DLC1: variants seen among roughly 807,000 people sequenced by gnomAD.
The protein encoded by DLC1 is rho GTPase-activating protein 7.
A neutral mutation model predicts 140.3 loss-of-function variants in DLC1; 54 were observed. The ratio of observed to expected loss-of-function variants is 0.38; its 90% CI spans 0.31 to 0.48. The LOEUF is 0.48. DLC1 is among the 20% of genes least tolerant of loss of function. The pLI is 0.96. For synonymous variants in DLC1, 986 were observed against 728.1 expected, an observed-to-expected ratio of 1.35 and a Z score of -5.70; for missense variants, 2,536 against 1,907.0, an observed-to-expected ratio of 1.33 and a Z score of -6.14.
chr8:13,087,355 T>C (rs564824740), intron 16 of DLC1, among the ~76,000 whole-genome samples: 1 of 152,338 alleles, frequency 6.6e-6, no homozygotes, highest in African/African-American at 2.4e-5. Flanking sequence ...CAGCCATGAG[T>C]GTGCCACTGC....
At chr8:13,201,370 A>G (rs1009340576) in intron 5 of DLC1, among the ~76,000 whole-genome samples, 8 of 152,226 alleles carry the variant, frequency 5.3e-5, no homozygotes, top group African/African-American at 1.7e-4. Context: ...TGTAAAGATC[A>G]CTTTGAGTGT....
intron 4 of DLC1, among the ~76,000 whole-genome samples, chr8:13,390,275 T>G (rs756158479): frequency 6.6e-6 from 1 of 152,212 alleles, no homozygotes; most frequent in Non-Finnish European, 1.5e-5. Context: ...GCTTCATGCA[T>G]GCCCCTGCAA....
At chr8:13,553,248 A>ATATG (rs1803928097) in intron 1 of DLC1, among the ~76,000 whole-genome samples, 1 of 132,306 alleles carries the variant, frequency 7.6e-6, no homozygotes, top group East Asian at 2.3e-4. Context: ...ATATATATAT[A>ATATG]TATGTATCAC....
At chr8:13,136,777 C>G (rs750571156) in intron 5 of DLC1, among the ~76,000 whole-genome samples, 1 of 152,156 alleles carries the variant, frequency 6.6e-6, no homozygotes, top group Non-Finnish European at 1.5e-5. Context: ...TCAAGTAGTC[C>G]GCCAGTCTTG....
intron 2 of DLC1, among the ~76,000 whole-genome samples, chr8:13,435,776 A>T (rs977725192): frequency 6.6e-6 from 1 of 152,222 alleles, no homozygotes; most frequent in Admixed American, 6.5e-5. Context: ...ATTCTGAAAG[A>T]TATGCTACTC....
intron 8 of DLC1, 37 bp from the exon 9 acceptor site, chr8:13,100,807 C>A: frequency 2.0e-6 from 3 of 1,521,904 alleles, no homozygotes; most frequent in Non-Finnish European, 2.6e-6. Context: ...CACACTGGGG[C>A]TGGCAGCCAG....
intron 5 of DLC1, among the ~76,000 whole-genome samples, chr8:13,278,944 A>G (rs1024546357): frequency 2.6e-5 from 4 of 152,220 alleles, no homozygotes; most frequent in African/African-American, 9.6e-5. Context: ...AAGCTTACAT[A>G]GTAAGTGGCA....
intron 5 of DLC1, among the ~76,000 whole-genome samples, chr8:13,124,094 A>G (rs979605726): frequency 6.6e-6 from 1 of 152,224 alleles, no homozygotes; most frequent in African/African-American, 2.4e-5. Flanking sequence ...ATGCTGTGTT[A>G]TATACCAATG....
At chr8:13,123,993 AAC>A (rs1173577189) in intron 5 of DLC1, among the ~76,000 whole-genome samples, 1 of 152,188 alleles carries the variant, frequency 6.6e-6, no homozygotes, top group Admixed American at 6.5e-5. Context: ...CATGCATATA[AAC>A]ACGTGTCTGT....
intron 1 of DLC1, among the ~76,000 whole-genome samples, chr8:13,544,713 C>A (rs1394807706): frequency 1.3e-5 from 2 of 152,120 alleles, no homozygotes; most frequent in Non-Finnish European, 2.9e-5. Flanking sequence ...TCGGTATATT[C>A]TGTTTAACAA....
chr8:13,413,949 A>C (rs1415699438), intron 2 of DLC1, among the ~76,000 whole-genome samples: 1 of 152,170 alleles, frequency 6.6e-6, no homozygotes, highest in Non-Finnish European at 1.5e-5. Context: ...AGGGGCAAAG[A>C]AACCTACATG....
At chr8:13,275,267 C>A (rs1022781420) in intron 5 of DLC1, among the ~76,000 whole-genome samples, 19 of 152,208 alleles carry the variant, frequency 1.2e-4, no homozygotes, top group African/African-American at 4.3e-4. Flanking sequence ...AATTTCCCCT[C>A]TTCAAGTCAT....
intron 5 of DLC1, among the ~76,000 whole-genome samples, chr8:13,216,441 T>A (rs1828202538): frequency 1.3e-5 from 2 of 152,058 alleles, no homozygotes; most frequent in South Asian, 4.2e-4. Context: ...CATGACACAC[T>A]CTACTCCAAG....
At chr8:13,393,292 G>C (rs1836851578) in intron 4 of DLC1, among the ~76,000 whole-genome samples, 2 of 149,010 alleles carry the variant, frequency 1.3e-5, no homozygotes, top group Non-Finnish European at 3.0e-5. Context: ...TTAAAGCTCT[G>C]AGTATCCGGC....
At chr8:13,395,421 CTT>C (rs1836995866) in intron 3 of DLC1, among the ~76,000 whole-genome samples, 1 of 152,040 alleles carries the variant, frequency 6.6e-6, no homozygotes, top group Non-Finnish European at 1.5e-5. Context: ...CACCCAGCCT[CTT>C]TATAATTCTT....
chr8:13,542,900 G>A (rs988060881), intron 1 of DLC1, among the ~76,000 whole-genome samples: 3 of 151,912 alleles, frequency 2.0e-5, no homozygotes, highest in South Asian at 2.1e-4. Flanking sequence ...AGATAATTAC[G>A]TAGTCTATTA....
chr8:13,315,923 A>G (rs1181187615), intron 4 of DLC1, among the ~76,000 whole-genome samples: 1 of 152,166 alleles, frequency 6.6e-6, no homozygotes, highest in East Asian at 1.9e-4. Context: ...CTTCTATAGT[A>G]TTGTCTAGTA....
At chr8:13,400,179 A>C (rs289579) in intron 3 of DLC1, among the ~76,000 whole-genome samples, 52,429 of 152,046 alleles carry the variant, frequency 0.34, 9,811 homozygotes, top group East Asian at 0.77. Context: ...GGGCTTTGGG[A>C]TATGTCTTAT....
intron 5 of DLC1, among the ~76,000 whole-genome samples, chr8:13,240,603 T>G (rs575885067): frequency 1.4e-4 from 21 of 152,158 alleles, no homozygotes; most frequent in Non-Finnish European, 1.5e-5. Context: ...TTTTTGTATT[T>G]TTTGATTTTT....
Sources: allele counts gnomAD v4.1 joint callset (sites outside exome capture counted in the v4.1 genomes callset), GRCh38; gene constraint gnomAD v4.1.1; transcripts MANE v1.5; gene names NCBI Gene and HGNC (gene_info 2026-07-23, HGNC 2026-07-21).